The following TENM4 variants were observed in gnomAD, a reference collection of about 807,000 sequenced individuals.
TENM4 encodes the protein teneurin-4.
TENM4 carries 82 observed loss-of-function variants against 243.3 expected under a neutral mutation model. The ratio of observed to expected loss-of-function variants is 0.34; its 90% confidence interval spans 0.28 to 0.40. TENM4 has a LOEUF of 0.40. TENM4 is among the 10% of genes least tolerant of loss of function. TENM4 has a pLI of 1.00. For missense variants in TENM4, 3,138 were observed against 3,673.3 expected (o/e 0.85, Z 3.77); for synonymous variants, 1,412 against 1,456.3 (o/e 0.97, Z 0.69).
chr11:79,272,369 T>C (rs1179132628), intron 2 of TENM4, among the ~76,000 whole-genome samples: 1 of 152,218 alleles, frequency 6.6e-6, no homozygotes, highest in Non-Finnish European at 1.5e-5. Flanking sequence ...ATGACAACAA[T>C]TTTAATGATG....
Position 78,669,286 on chromosome 11 carries a change from A to C in TENM4, c.7059T>G (p.Gly2353=). ...TGTCACAAGCTATGTAAAACTCATC[A>C]CCACTGCTCAGCTCCATGGCAAAGA... The part of the protein sequence containing the change: ...GHLFAMELSS[G]DEFYIACDNI... Residue 2353 remains glycine (G), a synonymous_variant, in exon 32 of 34, where the codon GGT becomes GGG. Coordinates refer to ENST00000278550, the MANE Select transcript of TENM4 (RefSeq NM_001098816.3). The surrounding 1 kb of genome is among the most constrained non-coding windows in gnomAD (Gnocchi z 6.4). 6.2e-7 allele frequency: 1 copy of C among 1,613,968 alleles called. No individual in the cohort carries two copies. The highest frequency in any genetic ancestry group is 8.5e-7 in the Non-Finnish European group (1 of 1,179,882).
intron 2 of TENM4, among the ~76,000 whole-genome samples, chr11:79,228,476 T>C (rs1864314587): frequency 6.6e-6 from 1 of 152,062 alleles, no homozygotes; most frequent in South Asian, 2.1e-4. Flanking sequence ...AGGAAACCAA[T>C]GCCGAGACTC....
chr11:78,862,924 A>G, intron 10 of TENM4, 38 bp downstream of exon 10: 1 of 1,376,562 alleles, frequency 7.3e-7, no homozygotes, highest in Non-Finnish European at 9.6e-7. Flanking sequence ...AGAGGCAGAC[A>G]CAGAGGACTC....
chr11:79,278,145 G>A (rs1021001390), intron 2 of TENM4, among the ~76,000 whole-genome samples: 1 of 152,202 alleles, frequency 6.6e-6, no homozygotes, highest in East Asian at 1.9e-4. Context: ...GGGGGAAACA[G>A]TAGGTATTGA....
intron 6 of TENM4, among the ~76,000 whole-genome samples, chr11:78,960,531 G>C (rs781313542): frequency 6.6e-5 from 10 of 152,072 alleles, no homozygotes; most frequent in Non-Finnish European, 1.5e-5. Flanking sequence ...TACAGCCCAG[G>C]CTCTCAGGTT....
At position 78,958,964 on chromosome 11, in the gene TENM4, C is replaced by T. The variant is rs113629031; in HGVS notation, c.494-55441G>A. On this transcript the variant is annotated intron_variant, in intron 6 of 33. Coordinates refer to ENST00000278550, the MANE Select transcript of TENM4 (RefSeq NM_001098816.3). ...TATCAGCTTCAACTTTTTTAAATAC[C>T]ACAACAACCTTGGAAGGTTTTCTCC... Among the ~76,000 whole-genome samples the T allele has an allele frequency of 1.5e-3, 228 of 152,262 alleles. 1 individual carries two copies. The highest frequency in any genetic ancestry group is 5.2e-3 in the African/African-American group (214 of 41,530).
At chr11:78,831,904 G>A (rs959944336) in intron 12 of TENM4, among the ~76,000 whole-genome samples, 3 of 152,126 alleles carry the variant, frequency 2.0e-5, no homozygotes, top group Non-Finnish European at 2.9e-5. Context: ...TTCCTCATTC[G>A]AACCCCAAGC....
chr11:79,434,382 CAAAGGGAAGGAG>C (rs1188190827), intron 1 of TENM4, among the ~76,000 whole-genome samples: 1 of 151,978 alleles, frequency 6.6e-6, no homozygotes, highest in Admixed American at 6.6e-5. Context: ...GCCTCTGAAC[CAAAGGGAAGGAG>C]AAAGGTGGGA....
At chr11:79,412,302 C>T (rs1858718169) in intron 1 of TENM4, among the ~76,000 whole-genome samples, 1 of 152,232 alleles carries the variant, frequency 6.6e-6, no homozygotes, top group African/African-American at 2.4e-5. Flanking sequence ...GGCCAGCTCC[C>T]TCATGATGGC....
At chr11:79,371,724 A>C (rs2135509941) in intron 1 of TENM4, among the ~76,000 whole-genome samples, 1 of 152,330 alleles carries the variant, frequency 6.6e-6, no homozygotes, top group East Asian at 1.9e-4. Flanking sequence ...AAAGGAAATA[A>C]GATCTGTTGT....
At chr11:78,704,006 C>T (rs1054668359) in intron 27 of TENM4, among the ~76,000 whole-genome samples, 1 of 84,390 alleles carries the variant, frequency 1.2e-5, no homozygotes, top group East Asian at 2.8e-4. Context: ...CATGTGCCAC[C>T]ACACACACAC....
chr11:79,043,326 G>C (rs754112854), intron 6 of TENM4, among the ~76,000 whole-genome samples: 6 of 152,170 alleles, frequency 3.9e-5, no homozygotes, highest in Non-Finnish European at 8.8e-5. Context: ...CTGGTGCATG[G>C]AAGGTGCACG....
chr11:78,982,530 A>G (rs1857822207), intron 6 of TENM4, among the ~76,000 whole-genome samples: 1 of 151,986 alleles, frequency 6.6e-6, no homozygotes, highest in Non-Finnish European at 1.5e-5. Flanking sequence ...CAGCATCTCA[A>G]GTGGTCATGC....
At chr11:79,152,236 G>A (rs1862525268) in intron 3 of TENM4, among the ~76,000 whole-genome samples, 1 of 152,120 alleles carries the variant, frequency 6.6e-6, no homozygotes, top group Non-Finnish European at 1.5e-5. Context: ...TGATCAACCA[G>A]GAACTGAAAA....
intron 1 of TENM4, among the ~76,000 whole-genome samples, chr11:79,318,470 G>A (rs1856837333): frequency 6.6e-6 from 1 of 152,026 alleles, no homozygotes; most frequent in African/African-American, 2.4e-5. Context: ...TCCAGAAGAG[G>A]GGAAAAAAAA....
At chr11:78,846,255 G>A (rs576811) in intron 12 of TENM4, among the ~76,000 whole-genome samples, 36,652 of 151,828 alleles carry the variant, frequency 0.24, 4,890 homozygotes, top group Middle Eastern at 0.36. Context: ...TTTCTAGGAC[G>A]TGTGCTTACC....
chr11:78,861,852 G>T (rs1402495270), intron 10 of TENM4, among the ~76,000 whole-genome samples: 1 of 152,196 alleles, frequency 6.6e-6, no homozygotes, highest in Non-Finnish European at 1.5e-5. Context: ...CTGACTGAAG[G>T]GTCACAGGGA....
At chr11:78,984,676 C>T (rs978794314) in intron 6 of TENM4, among the ~76,000 whole-genome samples, 4 of 152,262 alleles carry the variant, frequency 2.6e-5, no homozygotes, top group Admixed American at 2.6e-4. Context: ...GTCATTACTG[C>T]TGCTGCTGCT....
In TENM4 at chr11:78,691,531, C is replaced by G. The variant is rs151069022; in HGVS notation, c.5088-3305G>C. Among the ~76,000 whole-genome samples the G allele has an allele frequency of 3.0e-4, 46 of 152,316 alleles. No homozygotes were observed. The East Asian group carries it at 8.5e-3, about 28-fold the overall frequency. On this transcript the variant is annotated intron_variant, in intron 28 of 33. Coordinates refer to ENST00000278550, the MANE Select transcript of TENM4 (RefSeq NM_001098816.3). ...CAAAATATGGAAAAAACAACTCTTA[C>G]TAAATAACACTTTGGCAATCTCCCT... is the stretch of plus-strand genomic sequence containing the variant.
Sources: allele counts gnomAD v4.1 joint callset (sites outside exome capture counted in the v4.1 genomes callset), GRCh38; gene constraint gnomAD v4.1.1; non-coding constraint Gnocchi (gnomAD v3.1); transcripts MANE v1.5; gene names NCBI Gene and HGNC (gene_info 2026-07-23, HGNC 2026-07-21).